Variants in LTBP1 observed in about 807,000 individuals in gnomAD.
LTBP1 encodes latent-transforming growth factor beta-binding protein 1.
LTBP1 carries 129 observed loss-of-function variants against 207.6 expected under a neutral mutation model. The ratio of observed to expected loss-of-function variants is 0.62; its 90% confidence interval spans 0.54 to 0.72. The LOEUF (loss-of-function observed/expected upper bound fraction) is 0.72. LTBP1 is among the 30% of genes least tolerant of loss of function. LTBP1 has a pLI of 0.00. For synonymous variants in LTBP1, 963 were observed against 833.7 expected, an observed-to-expected ratio of 1.16 and a Z score of -2.67; for missense variants, 2,281 against 2,217.2, an observed-to-expected ratio of 1.03 and a Z score of -0.58.
chr2:33,075,839 A>C (rs984067862), intron 3 of LTBP1, among the ~76,000 whole-genome samples: 4 of 152,250 alleles, frequency 2.6e-5, no homozygotes, highest in African/African-American at 7.2e-5. Flanking sequence ...ATGCTTTAGC[A>C]GGCAAATTCT....
chr2:33,041,184 C>T (rs2149406232), intron 3 of LTBP1, among the ~76,000 whole-genome samples: 1 of 152,270 alleles, frequency 6.6e-6, no homozygotes, highest in East Asian at 1.9e-4. Context: ...TCTTGTGTTG[C>T]TCACTGTCTT....
chr2:33,353,170 G>C (rs1336190415), intron 26 of LTBP1, among the ~76,000 whole-genome samples: 1 of 151,820 alleles, frequency 6.6e-6, no homozygotes, highest in Non-Finnish European at 1.5e-5. Flanking sequence ...GTAGAGACAG[G>C]GTTTTGCCAT....
At chr2:33,357,360 C>A (rs2094876049) in intron 26 of LTBP1, among the ~76,000 whole-genome samples, 1 of 152,100 alleles carries the variant, frequency 6.6e-6, no homozygotes, top group Non-Finnish European at 1.5e-5. Context: ...TATCTGCGGC[C>A]CTCTTCCCAT....
chr2:33,283,427 CTTTTTTTTTTT>C (rs763384851), intron 19 of LTBP1, among the ~76,000 whole-genome samples: 5 of 68,874 alleles, frequency 7.3e-5, no homozygotes, highest in Non-Finnish European at 1.0e-4. Context: ...ACATTAAAGA[CTTTTTTTTTTT>C]TTTTTTTTTT....
At chr2:33,007,305 C>A (rs910883379) in intron 2 of LTBP1, among the ~76,000 whole-genome samples, 1 of 152,162 alleles carries the variant, frequency 6.6e-6, no homozygotes, top group Admixed American at 6.5e-5. Flanking sequence ...ATTTTAGCAT[C>A]AAAAATCTAT....
At chr2:33,181,717 A>G (rs4670251) in intron 5 of LTBP1, among the ~76,000 whole-genome samples, 66,883 of 152,076 alleles carry the variant, frequency 0.44, 15,382 homozygotes, top group Non-Finnish European at 0.5. Flanking sequence ...ATATTTTCTA[A>G]AATATATGCC....
chr2:33,035,478 G>A (rs2075877522), intron 3 of LTBP1, among the ~76,000 whole-genome samples: 1 of 152,198 alleles, frequency 6.6e-6, no homozygotes, highest in Admixed American at 6.5e-5. Flanking sequence ...AAGAGAGCAA[G>A]CTTGAAATGG....
chr2:33,259,955 G>A (rs958284941), intron 13 of LTBP1, among the ~76,000 whole-genome samples: 1 of 152,142 alleles, frequency 6.6e-6, no homozygotes, highest in African/African-American at 2.4e-5. Flanking sequence ...TGAAAGAAAG[G>A]CTGTGACATG....
chr2:33,115,647 C>A (rs1341051967), intron 4 of LTBP1, among the ~76,000 whole-genome samples: 12 of 152,038 alleles, frequency 7.9e-5, no homozygotes, highest in Non-Finnish European at 7.4e-5. Context: ...TGGGGGTCTG[C>A]TTTATACAGT....
rs957674605 is a variant in LTBP1, at chr2:33,186,883, G to A, written c.1229G>A (p.Gly410Asp). 1 of 1,614,048 alleles carries A rather than the reference G, an allele frequency of 6.2e-7. No individual in the cohort carries two copies. Among genetic ancestry groups the A allele is most frequent in the Non-Finnish European group, 8.5e-7 (1 of 1,179,952 alleles). The stretch of plus-strand genomic sequence containing the variant: ...ATTTGCCATCTTCCATGTATGAATG[G>A]TGGCCAGTGCAGTTCAAGGGACAAA... ...VVICHLPCMNGGQCSSRDKCQ... is the reference protein window; with the variant it reads ...VVICHLPCMNDGQCSSRDKCQ... The change falls in exon 6 of 34, where the codon GGT (glycine) becomes GAT (aspartate). Residue 410 changes from glycine (G) to aspartate (D), a missense_variant. This residue lies in a region of LTBP1 where 55 missense variants were observed against 91.5 expected (regional missense o/e 0.60). Coordinates refer to ENST00000404816, the MANE Select transcript of LTBP1 (RefSeq NM_206943.4).
Position 32,947,559 on chromosome 2 carries a change from G to A in LTBP1, c.235G>A (p.Val79Ile). ...AGAPSRASPG[V>I]PSERTRRTSK... ...CGCCCCCAGCCGTGCCTCCCCCGGG[G>A]TCCCCTCGGAGAGGACCCGGCGCAC... Residue 79 changes from valine (V) to isoleucine (I), a missense_variant, in exon 1 of 34, where the codon GTC becomes ATC. Physicochemically the swap from Val to Ile is conservative, Grantham distance 29. Coordinates refer to ENST00000404816, the MANE Select transcript of LTBP1 (RefSeq NM_206943.4). 2.2e-6 allele frequency: 3 copies of A among 1,363,414 alleles called. No homozygotes were observed. Among genetic ancestry groups the A allele is most frequent in the Non-Finnish European group, 2.8e-6 (3 of 1,060,656 alleles). 84.5% of individuals were successfully genotyped at this position (1,363,414 alleles called of 1,614,324 possible).
intron 10 of LTBP1, among the ~76,000 whole-genome samples, chr2:33,248,748 G>A (rs765613660): frequency 7.9e-5 from 12 of 151,914 alleles, no homozygotes; most frequent in African/African-American, 1.9e-4. Context: ...CACCACACCC[G>A]GCTAATTTTT....
At chr2:33,205,876 C>T (rs1452602008) in intron 7 of LTBP1, among the ~76,000 whole-genome samples, 1 of 152,166 alleles carries the variant, frequency 6.6e-6, no homozygotes, top group African/African-American at 2.4e-5. Flanking sequence ...TCCCCACACA[C>T]TTGCACAAAG....
At chr2:33,237,487 A>T (rs576697091) in intron 9 of LTBP1, among the ~76,000 whole-genome samples, 39 of 152,312 alleles carry the variant, frequency 2.6e-4, no homozygotes, top group African/African-American at 9.4e-4. Flanking sequence ...CTTTAAGCTG[A>T]CATCTACATT....
intron 7 of LTBP1, among the ~76,000 whole-genome samples, chr2:33,211,602 C>A (rs1355305903): frequency 6.6e-6 from 1 of 152,192 alleles, no homozygotes; most frequent in Non-Finnish European, 1.5e-5. Flanking sequence ...TCTTTTCTTA[C>A]CACCACTGCT....
At chr2:33,220,361 A>G (rs771738784) in intron 8 of LTBP1, among the ~76,000 whole-genome samples, 3 of 152,100 alleles carry the variant, frequency 2.0e-5, no homozygotes, top group Non-Finnish European at 2.9e-5. Context: ...AACTAGTTCA[A>G]ACTTTAGTTT....
chr2:33,050,491 A>G (rs187828730), intron 3 of LTBP1, among the ~76,000 whole-genome samples: 16 of 152,300 alleles, frequency 1.1e-4, no homozygotes, highest in African/African-American at 3.8e-4. Flanking sequence ...TTAGACACCA[A>G]AAAAATGCTC....
At chr2:32,972,685 C>T (rs1254245945) in intron 2 of LTBP1, among the ~76,000 whole-genome samples, 1 of 152,136 alleles carries the variant, frequency 6.6e-6, no homozygotes, top group African/African-American at 2.4e-5. Context: ...GGGATGGTTT[C>T]TCCCATGCTG....
chr2:33,045,521 TAGTATAGTTTGA>T (rs2076399490), intron 3 of LTBP1, among the ~76,000 whole-genome samples: 1 of 152,226 alleles, frequency 6.6e-6, no homozygotes, highest in Non-Finnish European at 1.5e-5. Flanking sequence ...TGTAGCCTTG[TAGTATAGTTTGA>T]AGTCAGGTAG....
Sources: gnomAD v4.1 joint callset for allele counts (sites outside exome capture counted in the v4.1 genomes callset) on GRCh38, gnomAD v4.1.1 for gene constraint, gnomAD v4.1.1 regional missense constraint, MANE v1.5 for transcripts, NCBI Gene and HGNC (gene_info 2026-07-23, HGNC 2026-07-21) for gene names.